The following NDUFS4 variants were observed in gnomAD, a reference collection of about 807,000 sequenced individuals.
The protein encoded by NDUFS4 is NADH:ubiquinone oxidoreductase subunit S4.
NDUFS4 carries 28 observed loss-of-function variants against 24.3 expected under a neutral mutation model. The ratio of observed to expected loss-of-function variants is 1.15; its 90% CI spans 0.85 to 1.58. The LOEUF (loss-of-function observed/expected upper bound fraction) is 1.58, where lower values mean the gene tolerates loss of function less well. NDUFS4 is among the 40% of genes most tolerant of loss of function. NDUFS4 has a pLI of 0.00. For missense variants in NDUFS4, 223 were observed against 207.9 expected (o/e 1.07, Z -0.45); for synonymous variants, 93 against 69.7 (o/e 1.34, Z -1.67).
chr5:53,561,412 C>T (rs1048535586), intron 1 of NDUFS4, among the ~76,000 whole-genome samples: 2 of 152,078 alleles, frequency 1.3e-5, no homozygotes, highest in South Asian at 4.1e-4. Flanking sequence ...GGGCTCTTTG[C>T]GTCCTTGAGA....
rs117695958 is a variant in NDUFS4 at position 53,575,666 on chromosome 5, C to T, written c.98+14906C>T. Among the ~76,000 whole-genome samples the T allele has an allele frequency of 7.6e-3, 1,093 of 144,388 alleles. 10 individuals carry two copies. The highest frequency in any genetic ancestry group is 0.068 in the East Asian group (341 of 5,032). 94.7% of individuals were successfully genotyped at this position (144,388 alleles called of 152,430 possible). On this transcript the variant is annotated intron_variant, in intron 1 of 4. Coordinates refer to ENST00000296684, the MANE Select transcript of NDUFS4 (RefSeq NM_002495.4). ...AATCGATTCATGTGCCTCAGCCTCC[C>T]GAGTAGCTGGAATTGCAGGTGTGCA...
At chr5:53,682,034 C>T (rs1740683123) in intron 4 of NDUFS4, among the ~76,000 whole-genome samples, 1 of 151,962 alleles carries the variant, frequency 6.6e-6, no homozygotes, top group South Asian at 2.1e-4. Context: ...TTGTACATGA[C>T]TGCATGATAC....
chr5:53,633,787 A>G (rs1216938900), intron 2 of NDUFS4, among the ~76,000 whole-genome samples: 1 of 152,206 alleles, frequency 6.6e-6, no homozygotes, highest in African/African-American at 2.4e-5. Flanking sequence ...GCAATTGTAA[A>G]AAGATTGTGT....
At chr5:53,593,148 C>T (rs1438500049) in intron 1 of NDUFS4, among the ~76,000 whole-genome samples, 1 of 151,990 alleles carries the variant, frequency 6.6e-6, no homozygotes, top group Non-Finnish European at 1.5e-5. Flanking sequence ...TAGAATTCAC[C>T]AGGAAACATC....
chr5:53,645,781 A>G (rs1332552370), intron 2 of NDUFS4, among the ~76,000 whole-genome samples: 2 of 152,218 alleles, frequency 1.3e-5, no homozygotes, highest in Admixed American at 6.5e-5. Flanking sequence ...CACAGAAATT[A>G]TAAGTAACAG....
At chr5:53,604,937 AGG>A (rs1188508489) in intron 2 of NDUFS4, 2 of 453,236 alleles carry the variant, frequency 4.4e-6, no homozygotes, top group East Asian at 1.4e-4. Context: ...AAAAGAAATG[AGG>A]GGCAGGGCAT....
intron 4 of NDUFS4, among the ~76,000 whole-genome samples, chr5:53,672,716 T>C (rs528497918): frequency 4.6e-5 from 7 of 152,156 alleles, no homozygotes; most frequent in Non-Finnish European, 1.0e-4. Flanking sequence ...TACATAGGTG[T>C]AGCAAGAGTG....
At chr5:53,671,739 A>T (rs545624622) in intron 4 of NDUFS4, among the ~76,000 whole-genome samples, 2 of 152,182 alleles carry the variant, frequency 1.3e-5, no homozygotes, top group Non-Finnish European at 2.9e-5. Flanking sequence ...GAGAGGAGGT[A>T]GAAGACAGCT....
At chr5:53,644,039 T>G (rs1475045503) in intron 2 of NDUFS4, among the ~76,000 whole-genome samples, 2 of 152,194 alleles carry the variant, frequency 1.3e-5, no homozygotes, top group African/African-American at 4.8e-5. Context: ...CTATATACTG[T>G]CCTTTCTACT....
chr5:53,668,584 G>A (rs1752581726), intron 4 of NDUFS4, among the ~76,000 whole-genome samples: 1 of 150,670 alleles, frequency 6.6e-6, no homozygotes, highest in Admixed American at 6.6e-5. Context: ...TCAGCTTCCT[G>A]GACTACAGGC....
At chr5:53,581,460 G>C (rs1749565917) in intron 1 of NDUFS4, among the ~76,000 whole-genome samples, 1 of 151,886 alleles carries the variant, frequency 6.6e-6, no homozygotes, top group South Asian at 2.1e-4. Context: ...ACTTTCATCA[G>C]TCCCCTCCTG....
intron 1 of NDUFS4, among the ~76,000 whole-genome samples, chr5:53,571,277 A>G (rs1749202042): frequency 6.6e-6 from 1 of 152,194 alleles, no homozygotes; most frequent in Admixed American, 6.5e-5. Flanking sequence ...CATTTTATAC[A>G]AATGCAGTCA....
chr5:53,616,737 G>C (rs553013392), intron 2 of NDUFS4, among the ~76,000 whole-genome samples: 2 of 152,170 alleles, frequency 1.3e-5, no homozygotes, highest in Non-Finnish European at 2.9e-5. Flanking sequence ...TAATGAGAAG[G>C]CTTTATATAA....
At position 53,670,416 on chromosome 5, in the gene NDUFS4, A is replaced by G. The variant is rs556993099; in HGVS notation, c.424+11792A>G. Among the ~76,000 whole-genome samples, 5 of 151,836 alleles carry G rather than the reference A, an allele frequency of 3.3e-5. No individual in the cohort carries two copies. The South Asian group carries it at 1.0e-3, about 32-fold the overall frequency. ...GCCGTAAGTGTAAAATGCACACTGA[A>G]TTTCAAAGACTTAGTATGAAAAAAA... On this transcript the variant is annotated intron_variant, in intron 4 of 4. Coordinates refer to ENST00000296684, the MANE Select transcript of NDUFS4 (RefSeq NM_002495.4).
At chr5:53,603,336 C>T (rs1473856620) in intron 1 of NDUFS4, 116 bp from the exon 2 acceptor site, 21 of 509,260 alleles carry the variant, frequency 4.1e-5, no homozygotes, top group Non-Finnish European at 5.1e-5. Context: ...CTTTCCTTTC[C>T]TTTTTTTTTT....
At chr5:53,603,628 A>T in intron 2 of NDUFS4, 98 bp downstream of exon 2, 1 of 878,508 alleles carries the variant, frequency 1.1e-6, no homozygotes, top group Non-Finnish European at 1.8e-6. Flanking sequence ...CAGGAAAGTG[A>T]TTTGAATTTG....
chr5:53,674,646 TAATA>T (rs1296666591), intron 4 of NDUFS4, among the ~76,000 whole-genome samples: 1 of 152,234 alleles, frequency 6.6e-6, no homozygotes, highest in African/African-American at 2.4e-5. Context: ...TCTGGATATC[TAATA>T]AATATCTATT....
chr5:53,575,563 A>G (rs1236264033), intron 1 of NDUFS4, among the ~76,000 whole-genome samples: 1 of 109,350 alleles, frequency 9.1e-6, no homozygotes, highest in Non-Finnish European at 1.7e-5. Context: ...TTTTTTGCAG[A>G]CAGAGTCTTG....
chr5:53,639,072 G>T (rs955832786), intron 2 of NDUFS4, among the ~76,000 whole-genome samples: 1 of 151,512 alleles, frequency 6.6e-6, no homozygotes, highest in Non-Finnish European at 1.5e-5. Flanking sequence ...CTTTAGCACA[G>T]AATTAATTTA....
Sources: gnomAD v4.1 joint callset for allele counts (sites outside exome capture counted in the v4.1 genomes callset) on GRCh38, gnomAD v4.1.1 for gene constraint, MANE v1.5 for transcripts, NCBI Gene and HGNC (gene_info 2026-07-23, HGNC 2026-07-21) for gene names.